Variants in MID1 observed in about 807,000 individuals in gnomAD.
The protein encoded by MID1 is midline 1.
In MID1, 7 loss-of-function variants were observed where a neutral mutation model predicts 40.4. That is an observed-to-expected ratio of 0.17 (90% CI 0.10 to 0.33). MID1 has a LOEUF of 0.33. MID1 is among the 10% of genes least tolerant of loss of function. The pLI, the probability that MID1 is intolerant of heterozygous loss-of-function variation, is 1.00. For synonymous variants in MID1, 229 were observed against 221.2 expected (o/e 1.04, Z -0.31); for missense variants, 367 against 558.5 (o/e 0.66, Z 3.46).
chrX:10,706,582 T>C (rs189874875), intron 1 of MID1, among the ~76,000 whole-genome samples: 26 of 111,350 alleles, frequency 2.3e-4, no homozygotes, highest in African/African-American at 7.2e-4. Flanking sequence ...AAGAAGGATG[T>C]GTTTGCTTCC....
intron 2 of MID1, among the ~76,000 whole-genome samples, chrX:10,529,892 C>T (rs946390167): frequency 8.9e-6 from 1 of 112,155 alleles, no homozygotes; most frequent in Non-Finnish European, 1.9e-5. Flanking sequence ...CCGGACAACC[C>T]TTCTGAAATC....
chrX:10,499,211 T>C (rs1400975076), intron 3 of MID1, among the ~76,000 whole-genome samples: 1 of 112,140 alleles, frequency 8.9e-6, no homozygotes, highest in Non-Finnish European at 1.9e-5. Context: ...GTTGACCATC[T>C]TTTTCGTGAA....
At chrX:10,774,683 A>T (rs985293719) in intron 1 of MID1, among the ~76,000 whole-genome samples, 2 of 111,432 alleles carry the variant, frequency 1.8e-5, no homozygotes, top group South Asian at 3.8e-4. Context: ...ATAAAAAGCA[A>T]AATTGTGAAA....
chrX:10,694,174 C>T (rs2043147042), intron 1 of MID1, among the ~76,000 whole-genome samples: 1 of 112,213 alleles, frequency 8.9e-6, no homozygotes, highest in Non-Finnish European at 1.9e-5. Flanking sequence ...TAAATTCCCT[C>T]TCTGGGGGAG....
In MID1 at chrX:10,469,415, T is replaced by G. The variant is rs191267069; in HGVS notation, c.1285+282A>C. 0.016 allele frequency: 16,651 copies of G among 1,061,499 alleles called. 207 individuals are homozygous for G. The highest frequency in any genetic ancestry group is 0.071 in the African/African-American group (3,715 of 52,384). The allele number at this position is 1,061,499 out of a possible 1,213,427, so 87.5% of individuals were successfully genotyped here. ...ATATATTTGTTTCTCTCTCTATGTA[T>G]CTCTCTATATATTTGTTTCTCTCTA... is the stretch of plus-strand genomic sequence containing the variant. On this transcript the variant is annotated intron_variant, in intron 7 of 9. Transcript: ENST00000317552.
intron 2 of MID1, among the ~76,000 whole-genome samples, chrX:10,555,990 G>C (rs769599582): frequency 5.5e-5 from 6 of 109,194 alleles, no homozygotes; most frequent in South Asian, 4.0e-4. Flanking sequence ...AGCCCCAGTC[G>C]ATACCGAAGT....
chrX:10,565,318 C>T (rs995829361), intron 2 of MID1: 269 of 328,218 alleles, frequency 8.2e-4, no homozygotes, highest in Non-Finnish European at 1.2e-3. Context: ...GCCCAAGTGA[C>T]ATTGAGAAGC....
At chrX:10,559,440 A>T (rs923936832) in intron 2 of MID1, among the ~76,000 whole-genome samples, 1 of 112,727 alleles carries the variant, frequency 8.9e-6, no homozygotes, top group Non-Finnish European at 1.9e-5. Context: ...ACATGGTGAA[A>T]CATCATATAG....
At chrX:10,572,167 C>A (rs58118788) in intron 1 of MID1, among the ~76,000 whole-genome samples, 3,641 of 87,987 alleles carry the variant, frequency 0.041, 139 homozygotes, top group African/African-American at 0.17. Context: ...CTCTCTCTCT[C>A]TATATATATA....
chrX:10,745,190 G>A (rs946769168), intron 1 of MID1, among the ~76,000 whole-genome samples: 25 of 112,848 alleles, frequency 2.2e-4, no homozygotes, highest in African/African-American at 7.7e-4. Flanking sequence ...ATGTTTAGAT[G>A]AGAAAATGCA....
In MID1 at chrX:10,762,637, G is replaced by A. The variant is rs186650706; in HGVS notation, c.-187+70917C>T. Among the ~76,000 whole-genome samples the A allele has an allele frequency of 2.7e-5, 3 of 110,838 alleles. No individual in the cohort carries two copies. The East Asian group carries it at 8.5e-4, about 31-fold the overall frequency. On this transcript the variant is annotated intron_variant, in intron 1 of 10. Transcript: ENST00000380785. Reference sequence around the variant, plus strand: ...TTTTGTAGAGACAAGGTTTTGCCATGTTGCCCAGGCTGGTCTCAAACTCCT... The same window carrying A: ...TTTTGTAGAGACAAGGTTTTGCCATATTGCCCAGGCTGGTCTCAAACTCCT...
intron 1 of MID1, among the ~76,000 whole-genome samples, chrX:10,582,185 A>G (rs7881241): frequency 0.15 from 16,829 of 110,876 alleles, 2,495 homozygotes; most frequent in African/African-American, 0.46. Flanking sequence ...CAAGCTTAGG[A>G]AATCTGAATC....
At chrX:10,817,580 C>CT in intron 1 of MID1, among the ~76,000 whole-genome samples, 1 of 91,290 alleles carries the variant, frequency 1.1e-5, no homozygotes, top group African/African-American at 4.1e-5. Context: ...TTCTCTCTTT[C>CT]TTTCTTTCTC....
chrX:10,453,209 G>C (rs1035287970), intron 9 of MID1, among the ~76,000 whole-genome samples: 2 of 111,691 alleles, frequency 1.8e-5, no homozygotes, highest in Admixed American at 1.9e-4. Flanking sequence ...AGCCAATATA[G>C]TATGTACCAT....
chrX:10,604,382 G>A (rs1363102004), intron 1 of MID1, among the ~76,000 whole-genome samples: 2 of 111,570 alleles, frequency 1.8e-5, no homozygotes, highest in Admixed American at 9.5e-5. Context: ...AGAAAATAAT[G>A]AGCCACAGGG....
At chrX:10,578,489 A>G (rs1934929123) in intron 1 of MID1, among the ~76,000 whole-genome samples, 1 of 112,613 alleles carries the variant, frequency 8.9e-6, no homozygotes, top group Admixed American at 9.4e-5. Context: ...AAAAATTACA[A>G]TCTTCTAAAG....
At chrX:10,751,394 C>T (rs1008855442) in intron 1 of MID1, among the ~76,000 whole-genome samples, 1 of 111,754 alleles carries the variant, frequency 8.9e-6, no homozygotes, top group Non-Finnish European at 1.9e-5. Flanking sequence ...AATCCTAACA[C>T]TTTGGGAGGT....
intron 1 of MID1, among the ~76,000 whole-genome samples, chrX:10,761,755 A>G (rs1198247481): frequency 8.9e-6 from 1 of 112,126 alleles, no homozygotes; most frequent in Admixed American, 9.5e-5. Context: ...CTTGGGAGAC[A>G]TAAGTGATAG....
intron 1 of MID1, among the ~76,000 whole-genome samples, chrX:10,611,799 CA>C (rs1256762935): frequency 9.0e-6 from 1 of 111,326 alleles, no homozygotes; most frequent in Non-Finnish European, 1.9e-5. Flanking sequence ...ACTAAATATA[CA>C]AAAACTAATA....
Sources: allele counts gnomAD v4.1 joint callset (sites outside exome capture counted in the v4.1 genomes callset), GRCh38; gene constraint gnomAD v4.1.1; transcripts MANE v1.5; gene names NCBI Gene and HGNC (gene_info 2026-07-23, HGNC 2026-07-21).